Variants in CCDC141 observed in about 807,000 individuals in gnomAD.
CCDC141 encodes coiled-coil domain-containing protein 141.
In CCDC141, 168 loss-of-function variants were observed where a neutral mutation model predicts 181.0. The ratio of observed to expected loss-of-function variants is 0.93; its 90% CI spans 0.82 to 1.05. The LOEUF is 1.05. Among genes scored for constraint, CCDC141 ranks in the 50% least tolerant of loss-of-function variants. CCDC141 has a pLI of 0.00. For synonymous variants in CCDC141, 666 were observed against 642.3 expected, an observed-to-expected ratio of 1.04 and a Z score of -0.56; for missense variants, 1,902 against 1,788.5, an observed-to-expected ratio of 1.06 and a Z score of -1.14.
chr2:178,874,881 G>T (rs575497529), intron 12 of CCDC141: 1 of 152,172 alleles, frequency 6.6e-6, no homozygotes, highest in African/African-American at 2.4e-5. Context: ...GGGGTATATC[G>T]GGCAGTGGAT....
chr2:178,825,176 A>G (rs1684102574), downstream of CCDC141: 1 of 152,210 alleles, frequency 6.6e-6, no homozygotes. Context: ...TTAACAAACT[A>G]AAATATGACT....
chr2:178,903,475 A>C (rs1687806103), intron 8 of CCDC141, among the ~76,000 whole-genome samples: 1 of 152,002 alleles, frequency 6.6e-6, no homozygotes, highest in Non-Finnish European at 1.5e-5. Flanking sequence ...ATGAAATTGG[A>C]AATCATCATT....
chr2:178,849,546 A>G (rs1685076544), intron 21 of CCDC141, among the ~76,000 whole-genome samples: 1 of 152,234 alleles, frequency 6.6e-6, no homozygotes, highest in Non-Finnish European at 1.5e-5. Flanking sequence ...AGACATAAAC[A>G]TATTCTCCAT....
intron 21 of CCDC141, among the ~76,000 whole-genome samples, chr2:178,846,628 A>G (rs1684951054): frequency 6.6e-6 from 1 of 152,198 alleles, no homozygotes; most frequent in Non-Finnish European, 1.5e-5. Context: ...TTTGGTATGC[A>G]GCTGATATCT....
the CCDC141 span, among the ~76,000 whole-genome samples, chr2:178,818,850 C>T: frequency 1.3e-5 from 2 of 152,178 alleles, no homozygotes; most frequent in Non-Finnish European, 1.5e-5. Flanking sequence ...TGAGGAATCA[C>T]CACACTGTCT....
Position 179,002,067 on chromosome 2 carries a change from C to A in CCDC141, c.226-23392G>T, listed in dbSNP as rs191490700. ...CTCTTGACCTCAACTGATCCACCCT[C>A]CCAGCTTCCCAAAGTGTTGGGATTA... On this transcript the variant is annotated intron_variant, in intron 2 of 23. Transcript: ENST00000443758. 73 of 178,728 alleles carry A rather than the reference C, an allele frequency of 4.1e-4. 1 individual carries two copies. The Middle Eastern group carries it at 7.6e-3, about 19-fold the overall frequency. 11.1% of individuals were successfully genotyped at this position (178,728 alleles called of 1,614,324 possible).
intron 2 of CCDC141, among the ~76,000 whole-genome samples, chr2:179,035,863 C>G (rs753710802): frequency 1.3e-5 from 2 of 152,186 alleles, no homozygotes; most frequent in Non-Finnish European, 2.9e-5. Context: ...GGACATAGAT[C>G]CCACTTCTCA....
intron 2 of CCDC141, among the ~76,000 whole-genome samples, chr2:178,982,184 G>A (rs1373224290): frequency 6.6e-6 from 1 of 152,070 alleles, no homozygotes; most frequent in Non-Finnish European, 1.5e-5. Flanking sequence ...GTAAGCCCAG[G>A]TGACTACACT....
At chr2:178,932,440 A>G (rs1025272357) in intron 6 of CCDC141, among the ~76,000 whole-genome samples, 1 of 152,192 alleles carries the variant, frequency 6.6e-6, no homozygotes, top group Admixed American at 6.5e-5. Context: ...GTAGTCTAAG[A>G]TGCTATATGT....
chr2:178,924,576 A>G (rs753579195), intron 6 of CCDC141, among the ~76,000 whole-genome samples: 10 of 152,130 alleles, frequency 6.6e-5, no homozygotes, highest in Non-Finnish European at 1.3e-4. Flanking sequence ...AAGTTGGATT[A>G]TAAATTGGGT....
At chr2:179,040,151 A>T (rs1285750864) in intron 2 of CCDC141, among the ~76,000 whole-genome samples, 1 of 152,168 alleles carries the variant, frequency 6.6e-6, no homozygotes, top group Admixed American at 6.5e-5. Context: ...TCTTAGACCC[A>T]TGTGCAGGGA....
intron 2 of CCDC141, among the ~76,000 whole-genome samples, chr2:178,991,850 AATATT>A (rs1157702691): frequency 6.6e-6 from 1 of 151,842 alleles, no homozygotes; most frequent in Non-Finnish European, 1.5e-5. Flanking sequence ...ATAATTATAT[AATATT>A]AAGATTGAGG....
chr2:178,840,997 G>A (rs913304445), intron 22 of CCDC141, among the ~76,000 whole-genome samples: 1 of 152,112 alleles, frequency 6.6e-6, no homozygotes, highest in Non-Finnish European at 1.5e-5. Flanking sequence ...GTAATCAGTG[G>A]AATCATCATC....
intron 6 of CCDC141, among the ~76,000 whole-genome samples, chr2:178,920,998 G>A (rs545975811): frequency 9.1e-4 from 139 of 152,252 alleles, no homozygotes; most frequent in African/African-American, 3.3e-3. Context: ...GTTCAGAAGA[G>A]TATGCTACTC....
intron 7 of CCDC141, among the ~76,000 whole-genome samples, chr2:178,918,069 T>G (rs1688529864): frequency 6.6e-6 from 1 of 152,206 alleles, no homozygotes; most frequent in Admixed American, 6.5e-5. Context: ...CACTATAATG[T>G]GGGCACAAGT....
chr2:178,856,428 T>A (rs780727065), intron 17 of CCDC141, 31 bp from the exon 18 acceptor site: 1 of 1,486,008 alleles, frequency 6.7e-7, no homozygotes, highest in South Asian at 1.3e-5. Flanking sequence ...ATAGGTGGTT[T>A]CCTTAAAATG....
intron 16 of CCDC141, among the ~76,000 whole-genome samples, chr2:178,867,609 G>T (rs73973174): frequency 0.042 from 6,366 of 151,902 alleles, 330 homozygotes; most frequent in African/African-American, 0.12. Flanking sequence ...TACCCAAATT[G>T]CTCCCAACAT....
intron 9 of CCDC141, among the ~76,000 whole-genome samples, chr2:178,887,794 CG>C (rs1270930649): frequency 6.6e-6 from 1 of 152,166 alleles, no homozygotes; most frequent in Non-Finnish European, 1.5e-5. Flanking sequence ...ATAAGTCCAC[CG>C]TATCAAACGA....
intron 12 of CCDC141, chr2:178,877,439 TC>T (rs1459815000): frequency 1.3e-5 from 2 of 152,570 alleles, no homozygotes; most frequent in African/African-American, 4.8e-5. Context: ...CTTTTAAGTA[TC>T]CTACAGGGAA....
Sources: allele counts gnomAD v4.1 joint callset (sites outside exome capture counted in the v4.1 genomes callset), GRCh38; gene constraint gnomAD v4.1.1; transcripts MANE v1.5; gene names NCBI Gene and HGNC (gene_info 2026-07-23, HGNC 2026-07-21).